CAMK4: variants seen among roughly 807,000 people sequenced by gnomAD.
CAMK4 encodes calcium/calmodulin-dependent protein kinase type IV.
A neutral mutation model predicts 44.9 loss-of-function variants in CAMK4; 22 were observed. The ratio of observed to expected loss-of-function variants is 0.49; its 90% confidence interval spans 0.35 to 0.70. The LOEUF is 0.70. CAMK4 is among the 30% of genes least tolerant of loss of function. The probability of loss-of-function intolerance (pLI) is 0.01; values close to 1 mark genes in which losing one functional copy is unlikely to be tolerated. For synonymous variants in CAMK4, 218 were observed against 215.4 expected (o/e 1.01, Z -0.11); for missense variants, 498 against 586.8 (o/e 0.85, Z 1.56).
At chr5:111,311,718 A>G (rs1299845291) in intron 1 of CAMK4, among the ~76,000 whole-genome samples, 3 of 152,178 alleles carry the variant, frequency 2.0e-5, no homozygotes, top group Non-Finnish European at 1.5e-5. Context: ...TTTTTCCTCA[A>G]AGACATCAAA....
intron 1 of CAMK4, among the ~76,000 whole-genome samples, chr5:111,228,509 G>GGTGTGTGTGTGTGTGTGTGT (rs373248608): frequency 6.9e-6 from 1 of 145,254 alleles, no homozygotes; most frequent in South Asian, 2.2e-4. Flanking sequence ...CATAGTAAGG[G>GGTGTGTGTGTGTGTGTGTGT]GTGTGTGTGT....
chr5:111,481,051 A>G (rs1404204579), intron 9 of CAMK4, among the ~76,000 whole-genome samples: 1 of 152,202 alleles, frequency 6.6e-6, no homozygotes. Context: ...GGTAATGGCA[A>G]GGCTTTGAGT....
At chr5:111,294,808 G>C (rs1253569408) in intron 1 of CAMK4, among the ~76,000 whole-genome samples, 3 of 151,932 alleles carry the variant, frequency 2.0e-5, no homozygotes, top group African/African-American at 4.8e-5. Flanking sequence ...TTGAAAAGCA[G>C]GTTGCATTTT....
intron 1 of CAMK4, among the ~76,000 whole-genome samples, chr5:111,300,801 T>C (rs538181188): frequency 3.3e-5 from 5 of 152,216 alleles, no homozygotes; most frequent in Non-Finnish European, 7.3e-5. Flanking sequence ...TTTAACATCA[T>C]TTTTAACATA....
At chr5:111,296,536 A>G (rs1388352415) in intron 1 of CAMK4, among the ~76,000 whole-genome samples, 1 of 152,230 alleles carries the variant, frequency 6.6e-6, no homozygotes, top group Admixed American at 6.5e-5. Flanking sequence ...TTGCATTTGC[A>G]TTCTATGATT....
At chr5:111,386,735 G>C (rs1412212595) in intron 4 of CAMK4, among the ~76,000 whole-genome samples, 1 of 152,236 alleles carries the variant, frequency 6.6e-6, no homozygotes, top group Admixed American at 6.5e-5. Flanking sequence ...ACAGCGAGCA[G>C]TGGAAGTAAA....
At position 111,478,519 on chromosome 5, in the gene CAMK4, C is replaced by A; in HGVS notation, c.828+12C>A. 2 of 1,413,580 alleles carry A rather than the reference C, an allele frequency of 1.4e-6. No individual in the cohort carries two copies. Among genetic ancestry groups the A allele is most frequent in the Non-Finnish European group, 1.9e-6 (2 of 1,043,472 alleles). The allele number at this position is 1,413,580 out of a possible 1,614,324, so 87.6% of individuals were successfully genotyped here. A position where few individuals can be genotyped will look rare whatever the true frequency, so the allele number is the denominator to read the frequency against. On this transcript the variant is annotated intron_variant, in intron 9 of 10. Transcript: ENST00000282356. ...ATGCCAAGGACTTGGTAAGTGTAAC[C>A]AAAACAAAATGAAACAAAATGAAAT...
intron 1 of CAMK4, among the ~76,000 whole-genome samples, chr5:111,253,228 C>A (rs1225884188): frequency 3.3e-5 from 5 of 152,224 alleles, no homozygotes; most frequent in Middle Eastern, 3.4e-3. Context: ...CTTTCCTGTC[C>A]CATCATTTTT....
chr5:111,375,918 A>G (rs1751196853), intron 3 of CAMK4, among the ~76,000 whole-genome samples: 2 of 152,084 alleles, frequency 1.3e-5, no homozygotes, highest in African/African-American at 4.8e-5. Flanking sequence ...CAGTTCTCAT[A>G]AGAAGAGTAA....
chr5:111,435,198 C>T (rs938109116), intron 5 of CAMK4, among the ~76,000 whole-genome samples: 17 of 151,952 alleles, frequency 1.1e-4, no homozygotes, highest in Admixed American at 3.3e-4. Context: ...TTTTTTAATT[C>T]CTCATTCTAC....
chr5:111,459,686 C>CTTTTT lies in CAMK4; in HGVS notation c.625+10505_625+10509dup, dbSNP rs56176713. ...TGTTCTCTTTGAGTTTAGAGACAGT[C>CTTTTT]TTTTTTTTTTTTTTTTTTTTTTTTT... On this transcript the variant is annotated intron_variant, in intron 7 of 10. Transcript: ENST00000282356. Among the ~76,000 whole-genome samples, 6 of 86,690 alleles carry CTTTTT rather than the reference C, an allele frequency of 6.9e-5. 1 individual carries two copies. Among genetic ancestry groups the CTTTTT allele is most frequent in the African/African-American group, 2.5e-4 (5 of 20,100 alleles). The allele number at this position is 86,690 out of a possible 152,430, so 56.9% of individuals were successfully genotyped here.
chr5:111,414,221 GCA>G (rs1487951708), intron 5 of CAMK4, among the ~76,000 whole-genome samples: 2 of 152,136 alleles, frequency 1.3e-5, no homozygotes, highest in African/African-American at 2.4e-5. Flanking sequence ...TACTCCCAAA[GCA>G]CAGAGTATTG....
intron 5 of CAMK4, among the ~76,000 whole-genome samples, chr5:111,406,985 A>C (rs758375123): frequency 1.3e-5 from 2 of 152,220 alleles, no homozygotes; most frequent in African/African-American, 4.8e-5. Context: ...TCAGAATCAT[A>C]GGCTTTTAAG....
chr5:111,484,207 AG>A lies in CAMK4; in HGVS notation c.1168del (p.Ala390HisfsTer5), dbSNP rs1452012210. On this transcript the variant is annotated frameshift_variant, in exon 11 of 11. Coordinates refer to ENST00000282356, the MANE Select transcript of CAMK4 (RefSeq NM_001744.6). LOFTEE classifies it low-confidence loss of function (END_TRUNC). The surrounding 1 kb of genome is among the most constrained non-coding windows in gnomAD (Gnocchi z 5.3). ...IQGDGAQAAVKGAQAELMKVQ... is the reference protein window; with the variant it reads ...IQGDGAQAAVXGAQAELMKVQ... ...GGCGATGGGGCCCAAGCCGCAGTTA[AG>A]GGGGCACAGGCTGAGCTGATGAAGG... The A allele has an allele frequency of 2.5e-6, 4 of 1,614,136 alleles. No individual in the cohort carries two copies. Among genetic ancestry groups the A allele is most frequent in the Admixed American group, 3.3e-5 (2 of 60,010 alleles).
intron 7 of CAMK4, among the ~76,000 whole-genome samples, chr5:111,462,935 G>T (rs1424595000): frequency 1.5e-4 from 23 of 152,014 alleles, no homozygotes. Context: ...AGACCTAGAT[G>T]GTATGTTAAT....
chr5:111,435,610 G>C (rs1313092497), intron 5 of CAMK4, among the ~76,000 whole-genome samples: 1 of 152,168 alleles, frequency 6.6e-6, no homozygotes, highest in Non-Finnish European at 1.5e-5. Flanking sequence ...AGAGTGTGCA[G>C]ACTCAGGAGC....
At chr5:111,258,139 T>G (rs372978964) in intron 1 of CAMK4, among the ~76,000 whole-genome samples, 9 of 152,324 alleles carry the variant, frequency 5.9e-5, no homozygotes, top group Admixed American at 5.2e-4. Flanking sequence ...CCACACACTC[T>G]GCAGTGTATG....
chr5:111,289,170 A>C (rs1751349532), intron 1 of CAMK4, among the ~76,000 whole-genome samples: 1 of 152,076 alleles, frequency 6.6e-6, no homozygotes, highest in Admixed American at 6.5e-5. Flanking sequence ...AACATGGTGA[A>C]ACCCCATCTC....
chr5:111,423,119 T>C (rs1753090173), intron 5 of CAMK4, among the ~76,000 whole-genome samples: 1 of 152,234 alleles, frequency 6.6e-6, no homozygotes, highest in Non-Finnish European at 1.5e-5. Context: ...ATTTTAGAAC[T>C]GGCCTTATAT....
Sources: gnomAD v4.1 joint callset for allele counts (sites outside exome capture counted in the v4.1 genomes callset) on GRCh38, gnomAD v4.1.1 for gene constraint, Gnocchi (gnomAD v3.1) non-coding constraint, MANE v1.5 for transcripts, NCBI Gene and HGNC (gene_info 2026-07-23, HGNC 2026-07-21) for gene names.